CSMD1: variants seen among roughly 807,000 people sequenced by gnomAD.
The protein encoded by CSMD1 is CUB and sushi domain-containing protein 1.
A neutral mutation model predicts 417.5 loss-of-function variants in CSMD1; 213 were observed. The ratio of observed to expected loss-of-function variants is 0.51; its 90% CI spans 0.46 to 0.57. The LOEUF is 0.57. Ranked by LOEUF, CSMD1 falls within the 20% of genes least tolerant of loss-of-function variation. The pLI, the probability that CSMD1 is intolerant of heterozygous loss-of-function variation, is 0.00. For missense variants in CSMD1, 6,923 were observed against 4,529.7 expected (o/e 1.53, Z -15.17); for synonymous variants, 2,862 against 1,736.8 (o/e 1.65, Z -16.11).
At chr8:4,278,469 A>C (rs1312841784) in intron 3 of CSMD1, among the ~76,000 whole-genome samples, 1 of 152,236 alleles carries the variant, frequency 6.6e-6, no homozygotes, top group African/African-American at 2.4e-5. Flanking sequence ...ATTTTTTAAC[A>C]TGAAAGCAGC....
At chr8:4,271,806 A>G (rs539792538) in intron 3 of CSMD1, among the ~76,000 whole-genome samples, 1 of 152,306 alleles carries the variant, frequency 6.6e-6, no homozygotes, top group East Asian at 1.9e-4. Context: ...CTCCAGCTGC[A>G]AGCTTACATG....
chr8:4,399,241 G>A (rs1804478627), intron 3 of CSMD1, among the ~76,000 whole-genome samples: 1 of 152,106 alleles, frequency 6.6e-6, no homozygotes, highest in Non-Finnish European at 1.5e-5. Context: ...ATTTCCCCTT[G>A]TGTGTAATTC....
chr8:3,136,442 T>G (rs1170524229), intron 41 of CSMD1, among the ~76,000 whole-genome samples: 1 of 151,974 alleles, frequency 6.6e-6, no homozygotes, highest in Admixed American at 6.6e-5. Flanking sequence ...TATTTGTATT[T>G]TTAGTAGAAA....
chr8:3,347,875 T>A, intron 22 of CSMD1, 117 bp downstream of exon 22: 1 of 628,008 alleles, frequency 1.6e-6, no homozygotes, highest in Non-Finnish European at 2.5e-6. Flanking sequence ...TACAAATAAA[T>A]CATATATAAA....
intron 37 of CSMD1, among the ~76,000 whole-genome samples, chr8:3,174,262 G>C (rs929120774): frequency 1.3e-5 from 2 of 152,188 alleles, no homozygotes; most frequent in African/African-American, 4.8e-5. Context: ...GGGAGGCTGA[G>C]GTGCAAAGAT....
chr8:4,267,384 C>G lies in CSMD1; in HGVS notation c.415+152569G>C, dbSNP rs1229821179. 1.0e-3 allele frequency among the ~76,000 whole-genome samples: 47 copies of G among 46,528 alleles called. 13 individuals carry two copies. In the Middle Eastern group the frequency reaches 0.077, roughly 76 times the overall value. The allele number at this position is 46,528 out of a possible 152,430, so 30.5% of individuals were successfully genotyped here. ...GTTTAAAAGGGAGTCTTAGGATTAA[C>G]TATGAACTCTGAAAGATCTATGTGA... is the stretch of plus-strand genomic sequence containing the variant. On this transcript the variant is annotated intron_variant, in intron 3 of 69. Transcript: ENST00000635120.
intron 2 of CSMD1, among the ~76,000 whole-genome samples, chr8:4,426,556 A>G (rs939102636): frequency 4.7e-5 from 7 of 147,434 alleles, no homozygotes; most frequent in Admixed American, 2.7e-4. Flanking sequence ...TAGGATATTT[A>G]CTATAGTATA....
At chr8:4,433,362 A>G (rs1375853987) in intron 2 of CSMD1, among the ~76,000 whole-genome samples, 2 of 152,178 alleles carry the variant, frequency 1.3e-5, no homozygotes, top group Admixed American at 6.5e-5. Context: ...TATACAACTC[A>G]TAATATCATG....
At chr8:3,970,248 A>G (rs963617142) in intron 5 of CSMD1, among the ~76,000 whole-genome samples, 1 of 152,190 alleles carries the variant, frequency 6.6e-6, no homozygotes, top group African/African-American at 2.4e-5. Context: ...TTAATCAACT[A>G]AACAGACCAG....
chr8:4,404,425 T>G (rs1032552260), intron 3 of CSMD1, among the ~76,000 whole-genome samples: 1 of 152,194 alleles, frequency 6.6e-6, no homozygotes, highest in Non-Finnish European at 1.5e-5. Flanking sequence ...TAATCATCAA[T>G]AAATATTTGT....
intron 1 of CSMD1, among the ~76,000 whole-genome samples, chr8:4,844,186 G>T (rs1480696632): frequency 1.3e-5 from 2 of 151,758 alleles, no homozygotes; most frequent in Non-Finnish European, 2.9e-5. Flanking sequence ...CGTAGCACTG[G>T]AAAAAAAAGT....
chr8:4,318,565 T>G (rs1030535960), intron 3 of CSMD1, among the ~76,000 whole-genome samples: 1 of 152,246 alleles, frequency 6.6e-6, no homozygotes, highest in Middle Eastern at 3.4e-3. Context: ...GCTTTTACAC[T>G]AAAAAGAATA....
intron 3 of CSMD1, among the ~76,000 whole-genome samples, chr8:4,056,883 G>A (rs527667230): frequency 6.6e-6 from 1 of 152,232 alleles, no homozygotes; most frequent in South Asian, 2.1e-4. Context: ...TTTTATGGCT[G>A]CATAGTATTC....
At chr8:3,891,866 G>T (rs533802632) in intron 5 of CSMD1, among the ~76,000 whole-genome samples, 26 of 152,048 alleles carry the variant, frequency 1.7e-4, no homozygotes, top group Non-Finnish European at 3.7e-4. Flanking sequence ...CCCAAAAAAA[G>T]GCTAGTTACT....
At chr8:2,954,936 C>G (rs1402734137) in intron 64 of CSMD1, among the ~76,000 whole-genome samples, 1 of 152,190 alleles carries the variant, frequency 6.6e-6, no homozygotes, top group Non-Finnish European at 1.5e-5. Flanking sequence ...CACACGCCAT[C>G]ATTTTTGGTT....
chr8:4,682,433 T>G (rs1212952413), intron 1 of CSMD1, among the ~76,000 whole-genome samples: 2 of 152,246 alleles, frequency 1.3e-5, no homozygotes, highest in South Asian at 4.1e-4. Flanking sequence ...TTTCGATGAT[T>G]TGCTATGAAT....
At chr8:4,816,462 A>T (rs1405831389) in intron 1 of CSMD1, among the ~76,000 whole-genome samples, 2 of 152,216 alleles carry the variant, frequency 1.3e-5, no homozygotes, top group African/African-American at 4.8e-5. Flanking sequence ...TCCTGACCTC[A>T]AGTGATCCAC....
chr8:4,393,601 T>C (rs1804006648), intron 3 of CSMD1, among the ~76,000 whole-genome samples: 1 of 152,094 alleles, frequency 6.6e-6, no homozygotes, highest in South Asian at 2.1e-4. Context: ...AATTAATGAG[T>C]TTGGTAAAGT....
intron 3 of CSMD1, among the ~76,000 whole-genome samples, chr8:4,139,250 A>T (rs976646822): frequency 6.6e-6 from 1 of 152,202 alleles, no homozygotes; most frequent in Admixed American, 6.5e-5. Flanking sequence ...ATTTAGCTTC[A>T]TTATGCATCA....
Sources: allele counts gnomAD v4.1 joint callset (sites outside exome capture counted in the v4.1 genomes callset), GRCh38; gene constraint gnomAD v4.1.1; transcripts MANE v1.5; gene names NCBI Gene and HGNC (gene_info 2026-07-23, HGNC 2026-07-21).